SNX24: variants seen among roughly 807,000 people sequenced by gnomAD.
SNX24 encodes the protein sorting nexin-24.
A neutral mutation model predicts 28.7 loss-of-function variants in SNX24; 22 were observed. The ratio of observed to expected loss-of-function variants is 0.77; its 90% CI spans 0.55 to 1.10. The LOEUF is 1.10. SNX24 is among the 50% of genes least tolerant of loss of function. The pLI is 0.00. For missense variants in SNX24, 221 were observed against 201.1 expected (o/e 1.10, Z -0.60); for synonymous variants, 69 against 71.5 (o/e 0.96, Z 0.18).
chr5:122,849,975 G>A (rs990684307), intron 1 of SNX24, among the ~76,000 whole-genome samples: 12 of 152,162 alleles, frequency 7.9e-5, no homozygotes, highest in Admixed American at 1.3e-4. Flanking sequence ...AGGATTGTGC[G>A]AAGTGATTGC....
chr5:122,953,788 TC>T (rs531344650), intron 3 of SNX24, among the ~76,000 whole-genome samples: 292 of 152,344 alleles, frequency 1.9e-3, no homozygotes, highest in Non-Finnish European at 3.1e-3. Flanking sequence ...TATATTTTTT[TC>T]TTTTTGTAAA....
At chr5:123,017,370 T>G (rs552691189) in intron 5 of SNX24, among the ~76,000 whole-genome samples, 1 of 151,950 alleles carries the variant, frequency 6.6e-6, no homozygotes, top group Non-Finnish European at 1.5e-5. Flanking sequence ...ACTCACCTCA[T>G]TTTTGCCAGT....
At chr5:122,970,723 C>T (rs1760924698) in intron 3 of SNX24, among the ~76,000 whole-genome samples, 2 of 152,206 alleles carry the variant, frequency 1.3e-5, no homozygotes, top group Admixed American at 6.5e-5. Context: ...CCGTCTTGGC[C>T]TCCCAAAGTG....
intron 3 of SNX24, among the ~76,000 whole-genome samples, chr5:122,951,465 T>C (rs912550139): frequency 6.6e-5 from 10 of 152,134 alleles, no homozygotes; most frequent in African/African-American, 2.4e-4. Context: ...TTAAGGAATT[T>C]AGCATCTCAT....
chr5:122,871,478 G>C (rs1242165652), intron 1 of SNX24, among the ~76,000 whole-genome samples: 1 of 152,052 alleles, frequency 6.6e-6, no homozygotes, highest in African/African-American at 2.4e-5. Flanking sequence ...CTTAAGAAAA[G>C]CTTTTCTGGC....
rs115862999 is a variant in SNX24 at position 122,850,240 on chromosome 5, G to A, written c.60+4547G>A. Among the ~76,000 whole-genome samples, 1,110 of 152,324 alleles carry A rather than the reference G, an allele frequency of 7.3e-3. 14 individuals carry two copies. Among genetic ancestry groups the A allele is most frequent in the African/African-American group, 0.025 (1,029 of 41,576 alleles). The stretch of plus-strand genomic sequence containing the variant: ...CAAGATCAAGGTGCTAGCAGATTCA[G>A]TGTCTAGCGAGGGTCCATTTCCAGG... On this transcript the variant is annotated intron_variant, in intron 1 of 6. Transcript: ENST00000261369.
chr5:122,851,466 CTT>C (rs911523447), intron 1 of SNX24, among the ~76,000 whole-genome samples: 1 of 144,662 alleles, frequency 6.9e-6, no homozygotes, highest in African/African-American at 2.5e-5. Context: ...CACACCCAGA[CTT>C]AGACTTCAGT....
chr5:122,889,649 ATG>A (rs1756868037), intron 1 of SNX24, among the ~76,000 whole-genome samples: 2 of 146,954 alleles, frequency 1.4e-5, no homozygotes, highest in Admixed American at 6.8e-5. Flanking sequence ...ACACATACAT[ATG>A]TATATATATG....
At chr5:123,001,900 C>T (rs557098029) in intron 5 of SNX24, 40 bp from the exon 6 acceptor site, 22 of 1,562,422 alleles carry the variant, frequency 1.4e-5, no homozygotes, top group South Asian at 8.9e-5. Flanking sequence ...TGTTTACCAT[C>T]GTCCCCTGAT....
At chr5:122,857,094 C>T (rs941689884) in intron 1 of SNX24, among the ~76,000 whole-genome samples, 2 of 152,050 alleles carry the variant, frequency 1.3e-5, no homozygotes, top group African/African-American at 4.8e-5. Flanking sequence ...TCACCACAAC[C>T]TCCGCCTCCC....
chr5:122,989,387 G>T (rs896259341), intron 3 of SNX24, among the ~76,000 whole-genome samples: 1 of 152,080 alleles, frequency 6.6e-6, no homozygotes, highest in Non-Finnish European at 1.5e-5. Context: ...GAGGAAAGGG[G>T]TGGAGAAATG....
At chr5:122,901,174 C>T (rs1757430706) in intron 1 of SNX24, among the ~76,000 whole-genome samples, 1 of 147,812 alleles carries the variant, frequency 6.8e-6, no homozygotes, top group Admixed American at 6.9e-5. Context: ...GCACTCCAGC[C>T]TGGGTGACAA....
chr5:122,905,475 T>G (rs1490596282), intron 1 of SNX24, among the ~76,000 whole-genome samples: 2 of 152,032 alleles, frequency 1.3e-5, no homozygotes, highest in Non-Finnish European at 2.9e-5. Context: ...TTTATACAGG[T>G]TGAGCATCCC....
At chr5:123,012,544 C>T (rs1250480463), downstream of SNX24, among the ~76,000 whole-genome samples, 1 of 152,152 alleles carries the variant, frequency 6.6e-6, no homozygotes, top group Non-Finnish European at 1.5e-5. Flanking sequence ...TAGGTTTCAG[C>T]TGGGGAAGAT....
chr5:122,966,002 G>T (rs1231623602), intron 3 of SNX24, among the ~76,000 whole-genome samples: 3 of 152,158 alleles, frequency 2.0e-5, no homozygotes, highest in Non-Finnish European at 2.9e-5. Context: ...TGGTAACTGT[G>T]TCATTTGTAC....
At chr5:122,983,967 A>G (rs568663050) in intron 3 of SNX24, among the ~76,000 whole-genome samples, 8 of 152,374 alleles carry the variant, frequency 5.3e-5, no homozygotes, top group African/African-American at 1.7e-4. Flanking sequence ...AGGCCACTAA[A>G]GAATAATTGA....
intron 1 of SNX24, among the ~76,000 whole-genome samples, chr5:122,885,845 G>A (rs567134244): frequency 6.6e-6 from 1 of 152,204 alleles, no homozygotes; most frequent in African/African-American, 2.4e-5. Flanking sequence ...GGGGAGGGGG[G>A]ATGAGATGAA....
chr5:122,902,666 C>T (rs1282697687), intron 1 of SNX24, among the ~76,000 whole-genome samples: 3 of 152,254 alleles, frequency 2.0e-5, no homozygotes, highest in African/African-American at 4.8e-5. Context: ...GTACTGGATT[C>T]CCTAGCCCAG....
intron 6 of SNX24, among the ~76,000 whole-genome samples, chr5:123,003,215 T>A (rs1052291014): frequency 5.3e-5 from 8 of 152,120 alleles, no homozygotes; most frequent in African/African-American, 1.9e-4. Context: ...GCAGCCCTGC[T>A]CCTCCCTAGG....
Sources: allele counts gnomAD v4.1 joint callset (sites outside exome capture counted in the v4.1 genomes callset), GRCh38; gene constraint gnomAD v4.1.1; transcripts MANE v1.5; gene names NCBI Gene and HGNC (gene_info 2026-07-23, HGNC 2026-07-21).